BAZ2B: variants seen among roughly 807,000 people sequenced by gnomAD.
BAZ2B encodes bromodomain adjacent to zinc finger domain 2B, also known as bromodomain adjacent to zinc finger domain protein 2B.
In BAZ2B, 91 loss-of-function variants were observed where a neutral mutation model predicts 246.0. That is an observed-to-expected ratio of 0.37 (90% CI 0.31 to 0.44). The LOEUF is 0.44. Among genes scored for constraint, BAZ2B ranks in the 20% least tolerant of loss-of-function variants. The probability of loss-of-function intolerance (pLI) is 1.00; values close to 1 mark genes in which losing one functional copy is unlikely to be tolerated. For missense variants in BAZ2B, 2,332 were observed against 2,533.7 expected (o/e 0.92, Z 1.71); for synonymous variants, 855 against 860.0 (o/e 0.99, Z 0.10).
intron 1 of BAZ2B, among the ~76,000 whole-genome samples, chr2:159,590,239 G>A (rs1578701887): frequency 1.6e-4 from 8 of 51,318 alleles, no homozygotes; most frequent in Admixed American, 4.7e-4. Context: ...AAACAACCCA[G>A]CAAGAACTGG....
intron 17 of BAZ2B, among the ~76,000 whole-genome samples, chr2:159,400,263 C>T (rs1048109383): frequency 1.3e-5 from 2 of 152,194 alleles, no homozygotes; most frequent in Non-Finnish European, 2.9e-5. Context: ...TGTTTCTAAA[C>T]TAAAAGTAAA....
the BAZ2B span, among the ~76,000 whole-genome samples, chr2:159,685,700 T>C: frequency 9.6e-3 from 1,460 of 152,102 alleles, 24 homozygotes; most frequent in African/African-American, 0.034. Context: ...AAACAAATAA[T>C]GGCATTATTA....
the BAZ2B span, among the ~76,000 whole-genome samples, chr2:159,651,800 T>C: frequency 6.6e-6 from 1 of 152,152 alleles, no homozygotes; most frequent in Non-Finnish European, 1.5e-5. Flanking sequence ...CCATAAAATA[T>C]GTGGTCTTTT....
At chr2:159,706,588 T>C in the BAZ2B span, among the ~76,000 whole-genome samples, 3 of 152,252 alleles carry the variant, frequency 2.0e-5, no homozygotes, top group Admixed American at 2.0e-4. Flanking sequence ...CTGAACTCTA[T>C]TACAGGAACA....
chr2:159,453,816 AAC>A lies in BAZ2B; in HGVS notation c.146-17_146-16del, dbSNP rs1448315122. The A allele has an allele frequency of 1.3e-6, 2 of 1,568,528 alleles. No individual in the cohort carries two copies. Among genetic ancestry groups the A allele is most frequent in the African/African-American group, 1.4e-5 (1 of 73,726 alleles). ...GAATAAATGTCCTGGGAGGGAAAAA[AAC>A]ACACTTAAAGTTGTACTATAAAAAA... On this transcript the variant is annotated splice_polypyrimidine_tract_variant and intron_variant, in intron 3 of 36. Transcript: ENST00000392783.
intron 31 of BAZ2B, among the ~76,000 whole-genome samples, chr2:159,338,149 T>C (rs1320420498): frequency 6.6e-6 from 1 of 152,220 alleles, no homozygotes; most frequent in East Asian, 1.9e-4. Flanking sequence ...TATTCTTCTG[T>C]ACAGGTCCTT....
intron 31 of BAZ2B, among the ~76,000 whole-genome samples, chr2:159,338,382 T>G (rs987001225): frequency 3.9e-5 from 6 of 152,222 alleles, no homozygotes; most frequent in Admixed American, 2.6e-4. Context: ...ACCATGCTCC[T>G]TAGCCTTGTC....
intron 31 of BAZ2B, among the ~76,000 whole-genome samples, chr2:159,339,076 ATTATT>A (rs2066165900): frequency 6.6e-6 from 1 of 152,140 alleles, no homozygotes; most frequent in Non-Finnish European, 1.5e-5. Flanking sequence ...TTTAGATATA[ATTATT>A]TTATCTTATA....
chr2:159,408,586 A>C (rs2066320826), intron 14 of BAZ2B, among the ~76,000 whole-genome samples: 1 of 152,146 alleles, frequency 6.6e-6, no homozygotes, highest in African/African-American at 2.4e-5. Context: ...CATAGATTAA[A>C]TTTTACATTA....
chr2:159,576,912 CAAAAAA>C (rs34337483), intron 1 of BAZ2B, among the ~76,000 whole-genome samples: 9 of 51,152 alleles, frequency 1.8e-4, no homozygotes, highest in African/African-American at 7.1e-4. Context: ...GACTGTGTCT[CAAAAAA>C]AAAAAAAAAA....
At chr2:159,397,459 T>C in intron 18 of BAZ2B, 70 bp from the exon 19 acceptor site, 2 of 1,054,378 alleles carry the variant, frequency 1.9e-6, no homozygotes, top group Middle Eastern at 2.4e-4. Context: ...GTATTAAAAG[T>C]TCCTTTTCTG....
At chr2:159,331,576 C>T (rs2064795948) in intron 34 of BAZ2B, among the ~76,000 whole-genome samples, 1 of 152,108 alleles carries the variant, frequency 6.6e-6, no homozygotes, top group Admixed American at 6.6e-5. Flanking sequence ...GGGGTTTTGC[C>T]ATGTTGGCCA....
chr2:159,342,413 G>A (rs1559021853), intron 31 of BAZ2B, among the ~76,000 whole-genome samples: 1 of 152,268 alleles, frequency 6.6e-6, no homozygotes, highest in East Asian at 1.9e-4. Flanking sequence ...AGCCTCCCAA[G>A]TAGCTGGGAC....
At chr2:159,325,548 T>A in intron 35 of BAZ2B, 105 bp downstream of exon 35, 1 of 1,256,084 alleles carries the variant, frequency 8.0e-7, no homozygotes, top group Non-Finnish European at 1.1e-6. Context: ...TACATTTTTT[T>A]ATTTACATAA....
At chr2:159,435,765 T>C (rs1338147899) in intron 8 of BAZ2B, among the ~76,000 whole-genome samples, 1 of 152,166 alleles carries the variant, frequency 6.6e-6, no homozygotes, top group Non-Finnish European at 1.5e-5. Flanking sequence ...ACTGGGATTA[T>C]AGGCGAGAGC....
chr2:159,325,944 A>G, intron 34 of BAZ2B, 26 bp from the exon 35 acceptor site: 1 of 1,543,034 alleles, frequency 6.5e-7, no homozygotes, highest in Non-Finnish European at 8.7e-7. Flanking sequence ...AAAGTAAATG[A>G]GGTGTAAGAA....
At chr2:159,452,031 T>C (rs925933799) in intron 4 of BAZ2B, among the ~76,000 whole-genome samples, 1 of 152,206 alleles carries the variant, frequency 6.6e-6, no homozygotes, top group African/African-American at 2.4e-5. Context: ...CTCATCTTGC[T>C]AAACAACCAT....
chr2:159,536,212 T>C (rs1291832572), intron 2 of BAZ2B: 1 of 152,220 alleles, frequency 6.6e-6, no homozygotes, highest in African/African-American at 2.4e-5. Context: ...CAAATATTTA[T>C]TGATTGATTG....
At chr2:159,618,102 A>G (rs1474419288), upstream of BAZ2B, among the ~76,000 whole-genome samples, 2 of 152,160 alleles carry the variant, frequency 1.3e-5, no homozygotes, top group Admixed American at 1.3e-4. Flanking sequence ...CTGTGCTAGC[A>G]CTTATTGATT....
Sources: allele counts gnomAD v4.1 joint callset (sites outside exome capture counted in the v4.1 genomes callset), GRCh38; gene constraint gnomAD v4.1.1; transcripts MANE v1.5; gene names NCBI Gene and HGNC (gene_info 2026-07-23, HGNC 2026-07-21).